Variants in NCAPH observed in about 807,000 individuals in gnomAD.
NCAPH encodes non-SMC condensin I complex subunit H, also known as condensin complex subunit 2.
In NCAPH, 38 loss-of-function variants were observed where a neutral mutation model predicts 85.5. That is an observed-to-expected ratio of 0.44 (90% CI 0.34 to 0.58). NCAPH has a LOEUF of 0.58. Ranked by LOEUF, NCAPH falls within the 20% of genes least tolerant of loss-of-function variation. The pLI is 0.01. For missense variants in NCAPH, 789 were observed against 916.6 expected (o/e 0.86, Z 1.80); for synonymous variants, 301 against 335.1 (o/e 0.90, Z 1.11).
chr2:96,357,421 CATTGT>C (rs1405878059), intron 9 of NCAPH, among the ~76,000 whole-genome samples: 1 of 152,158 alleles, frequency 6.6e-6, no homozygotes, highest in African/African-American at 2.4e-5. Flanking sequence ...TGCGACATAG[CATTGT>C]ATGTTGAAAG....
chr2:96,372,027 C>T (rs142749407), intron 17 of NCAPH, among the ~76,000 whole-genome samples: 257 of 152,318 alleles, frequency 1.7e-3, no homozygotes, highest in African/African-American at 4.6e-3. Context: ...GCAGAAAACC[C>T]GCGAGGTGTG....
intron 1 of NCAPH, among the ~76,000 whole-genome samples, chr2:96,339,650 G>C (rs1245215802): frequency 6.6e-6 from 1 of 150,752 alleles, no homozygotes; most frequent in Non-Finnish European, 1.5e-5. Context: ...GCTGTCTCCA[G>C]TTTCTCTTCT....
chr2:96,360,659 C>T lies in NCAPH; in HGVS notation c.1536C>T (p.Phe512=). 6.2e-7 allele frequency: 1 copy of T among 1,614,204 alleles called. No individual in the cohort carries two copies. The highest frequency in any genetic ancestry group is 1.7e-5 in the Admixed American group (1 of 60,030). ...NWRATTLPTD[F]NYNVDTLVQL... is the part of the protein sequence containing the mutation. ...GAGCTACCACCCTTCCTACAGATTT[C>T]AACTACAATGTTGACACTCTGGTCC... The change falls in exon 12 of 18, where the codon TTC becomes TTT. Residue 512 remains phenylalanine, a synonymous_variant. Coordinates refer to ENST00000240423, the MANE Select transcript of NCAPH (RefSeq NM_015341.5).
At chr2:96,358,856 G>A (rs2064564869) in intron 9 of NCAPH, among the ~76,000 whole-genome samples, 189 bp from the exon 10 acceptor site, 1 of 152,118 alleles carries the variant, frequency 6.6e-6, no homozygotes, top group African/African-American at 2.4e-5. Flanking sequence ...CAGAGTACTT[G>A]TATAGATATG....
chr2:96,357,708 G>C lies in NCAPH; in HGVS notation c.1209-1337G>C, dbSNP rs143284564. On this transcript the variant is annotated intron_variant, in intron 9 of 17. Coordinates refer to ENST00000240423, the MANE Select transcript of NCAPH (RefSeq NM_015341.5). Reference sequence around the variant, plus strand: ...TTGTGTATTTTATTTTTTTAAATTAGGTTTTAATTACACAATAAATGCACA... The same window carrying C: ...TTGTGTATTTTATTTTTTTAAATTACGTTTTAATTACACAATAAATGCACA... Among the ~76,000 whole-genome samples, 760 of 151,984 alleles carry C rather than the reference G, an allele frequency of 5.0e-3. 8 individuals are homozygous for C. The highest frequency in any genetic ancestry group is 0.018 in the African/African-American group (735 of 41,444).
intron 7 of NCAPH, among the ~76,000 whole-genome samples, chr2:96,352,684 C>T (rs185847609): frequency 5.1e-4 from 77 of 152,300 alleles, no homozygotes; most frequent in Non-Finnish European, 8.4e-4. Context: ...ATGCAGTGTT[C>T]GTACTCTCGC....
intron 6 of NCAPH, among the ~76,000 whole-genome samples, chr2:96,350,112 T>C (rs1402504181): frequency 6.6e-6 from 1 of 152,256 alleles, no homozygotes; most frequent in Non-Finnish European, 1.5e-5. Context: ...TAAAGAGATC[T>C]TGAACTTTAT....
intron 1 of NCAPH, 97 bp downstream of exon 1, chr2:96,335,945 G>C: frequency 7.6e-7 from 1 of 1,309,936 alleles, no homozygotes; most frequent in Non-Finnish European, 9.9e-7. Flanking sequence ...CGGGGAGAGA[G>C]GATATGCTCA....
chr2:96,360,404 G>A (rs368832507), intron 11 of NCAPH, among the ~76,000 whole-genome samples, 155 bp downstream of exon 11: 3 of 152,218 alleles, frequency 2.0e-5, no homozygotes, highest in South Asian at 2.1e-4. Context: ...CCTAAACTCA[G>A]TGGCAGAAAG....
At chr2:96,371,908 C>G (rs915548571) in intron 17 of NCAPH, among the ~76,000 whole-genome samples, 1 of 152,186 alleles carries the variant, frequency 6.6e-6, no homozygotes, top group Non-Finnish European at 1.5e-5. Flanking sequence ...AACAGTCTCC[C>G]CTCACATAGC....
chr2:96,348,600 A>G (rs1476112138), intron 6 of NCAPH, among the ~76,000 whole-genome samples: 3 of 151,272 alleles, frequency 2.0e-5, no homozygotes, highest in East Asian at 3.9e-4. Context: ...CCCTCCCCCA[A>G]TTCTCCTTGT....
intron 12 of NCAPH, among the ~76,000 whole-genome samples, chr2:96,362,156 G>A (rs888601113): frequency 3.3e-5 from 5 of 151,874 alleles, no homozygotes; most frequent in Non-Finnish European, 7.4e-5. Flanking sequence ...GGGGCCTGAG[G>A]CTATAGTAAG....
At chr2:96,338,771 C>T (rs2064249875) in intron 1 of NCAPH, among the ~76,000 whole-genome samples, 3 of 152,220 alleles carry the variant, frequency 2.0e-5, no homozygotes, top group East Asian at 1.9e-4. Context: ...TAACCCTCCA[C>T]AGCTGCAAGA....
chr2:96,345,775 A>G (rs769714637), intron 6 of NCAPH, among the ~76,000 whole-genome samples: 2 of 152,212 alleles, frequency 1.3e-5, no homozygotes, highest in Non-Finnish European at 2.9e-5. Context: ...GAAAACAAAT[A>G]TGCAAAATGC....
At chr2:96,373,144 C>A in intron 17 of NCAPH, 148 bp from the exon 18 acceptor site, 1 of 668,826 alleles carries the variant, frequency 1.5e-6, no homozygotes, top group Non-Finnish European at 2.5e-6. Flanking sequence ...GTTTTTCATG[C>A]AAATTATACT....
At chr2:96,343,375 C>T in intron 5 of NCAPH, 71 bp downstream of exon 5, 17 of 1,484,880 alleles carry the variant, frequency 1.1e-5, no homozygotes, top group Non-Finnish European at 1.5e-5. Context: ...GAGTAATATA[C>T]TAGAAGAAGG....
At position 96,335,783 on chromosome 2, in the gene NCAPH, T is replaced by G; in HGVS notation, c.-47T>G. 1 of 1,467,208 alleles carries G rather than the reference T, an allele frequency of 6.8e-7. No homozygotes were observed. 90.9% of individuals were successfully genotyped at this position (1,467,208 alleles called of 1,614,324 possible). ...ACGCGGCCGTTACGGCGCTCAGGCGTCTCGACGCGCGCGATTTAAAACCAG... is the reference window on the plus strand; with the variant it reads ...ACGCGGCCGTTACGGCGCTCAGGCGGCTCGACGCGCGCGATTTAAAACCAG... On this transcript the variant is annotated 5_prime_UTR_variant, in exon 1 of 18. Transcript: ENST00000240423.
rs567819538 is a variant in NCAPH, at chr2:96,374,246, A to G, written c.*895A>G. Among the ~76,000 whole-genome samples the G allele has an allele frequency of 6.6e-6, 1 of 152,218 alleles. No homozygotes were observed. Among genetic ancestry groups the G allele is most frequent in the Non-Finnish European group, 1.5e-5 (1 of 68,036 alleles). ...CCTGAGCCTGGCAATCTGCCTCCAG[A>G]GTCTGCTCTCGGCCATTGTGCTATG... On this transcript the variant is annotated 3_prime_UTR_variant, in exon 18 of 18. Transcript: ENST00000240423.
intron 4 of NCAPH, 116 bp downstream of exon 4, chr2:96,342,964 T>C (rs2064315247): frequency 8.6e-7 from 1 of 1,158,064 alleles, no homozygotes; most frequent in Non-Finnish European, 1.2e-6. Context: ...TTAGATGTTA[T>C]GTTAGTTAAT....
Sources: allele counts gnomAD v4.1 joint callset (sites outside exome capture counted in the v4.1 genomes callset), GRCh38; gene constraint gnomAD v4.1.1; transcripts MANE v1.5; gene names NCBI Gene and HGNC (gene_info 2026-07-23, HGNC 2026-07-21).